Variants in GRIK2 observed in about 807,000 individuals in gnomAD.
GRIK2 encodes glutamate receptor ionotropic, kainate 2.
Under a neutral mutation model 100.3 loss-of-function variants are expected in GRIK2, and 32 were observed. The observed-to-expected ratio is 0.32, with a 90% confidence interval of 0.24 to 0.43. GRIK2 has a LOEUF of 0.43. Ranked by LOEUF, GRIK2 falls within the 20% of genes least tolerant of loss-of-function variation. GRIK2 has a pLI of 1.00. For missense variants in GRIK2, 843 were observed against 1,114.9 expected (o/e 0.76, Z 3.47); for synonymous variants, 417 against 389.4 (o/e 1.07, Z -0.83).
At chr6:102,001,371 G>A (rs1477059516) in intron 14 of GRIK2, among the ~76,000 whole-genome samples, 1 of 143,870 alleles carries the variant, frequency 7.0e-6, no homozygotes, top group African/African-American at 2.6e-5. Flanking sequence ...CCCACCCCCC[G>A]ACAGGCCCCA....
chr6:101,464,275 C>T lies in GRIK2; in HGVS notation c.115+64883C>T, dbSNP rs1771495384. 3.9e-5 allele frequency among the ~76,000 whole-genome samples: 6 copies of T among 152,184 alleles called. No homozygotes were observed. In the South Asian group the frequency reaches 1.2e-3, roughly 32 times the overall value. On this transcript the variant is annotated intron_variant, in intron 2 of 16. Transcript: ENST00000369134. ...CTCAGCCTAAGGAGAGGGTCCATGG[C>T]TTTGGCAATGATAGCATTCAGTTAG...
chr6:101,802,654 G>C (rs975557922), intron 9 of GRIK2, among the ~76,000 whole-genome samples: 4 of 151,698 alleles, frequency 2.6e-5, no homozygotes, highest in African/African-American at 9.7e-5. Flanking sequence ...TTTCTAACTA[G>C]AGATTTTTCT....
intron 11 of GRIK2, among the ~76,000 whole-genome samples, chr6:101,888,915 G>A (rs1786849661): frequency 6.6e-6 from 1 of 152,054 alleles, no homozygotes; most frequent in African/African-American, 2.4e-5. Context: ...TTTGACAGAT[G>A]ATTATAACCT....
At chr6:101,971,043 G>T in intron 14 of GRIK2, among the ~76,000 whole-genome samples, 1 of 150,796 alleles carries the variant, frequency 6.6e-6, no homozygotes, top group East Asian at 1.9e-4. Context: ...TGCATTCCTT[G>T]CTGTGTATTT....
intron 7 of GRIK2, among the ~76,000 whole-genome samples, chr6:101,712,239 C>CTG (rs1773769018): frequency 6.6e-6 from 1 of 151,846 alleles, no homozygotes. Context: ...CCTTGCTACC[C>CTG]TGTGTGTGGT....
At chr6:101,468,153 A>G (rs1264689600) in intron 2 of GRIK2, among the ~76,000 whole-genome samples, 3 of 151,986 alleles carry the variant, frequency 2.0e-5, no homozygotes, top group African/African-American at 7.3e-5. Context: ...AGTGGGAAGG[A>G]CCCACAGAGC....
At position 101,925,331 on chromosome 6, in the gene GRIK2, A is replaced by C. The variant is rs550881083; in HGVS notation, c.1867+612A>C. ...ACTTTATAATATACATGTTAAAATT[A>C]AGGCTATATCTTAGAAAATGAGATA... On this transcript the variant is annotated intron_variant, in intron 13 of 16. Transcript: ENST00000369134. 2.5e-4 allele frequency among the ~76,000 whole-genome samples: 38 copies of C among 152,212 alleles called. 1 individual carries two copies. Among genetic ancestry groups the C allele is most frequent in the Non-Finnish European group, 1.3e-4 (9 of 67,974 alleles).
At chr6:101,503,422 G>A (rs1175462720) in intron 2 of GRIK2, among the ~76,000 whole-genome samples, 1 of 152,026 alleles carries the variant, frequency 6.6e-6, no homozygotes, top group Non-Finnish European at 1.5e-5. Flanking sequence ...GATTTTTAAA[G>A]ACAATTTTAA....
At chr6:101,907,501 G>A (rs908111748) in intron 12 of GRIK2, among the ~76,000 whole-genome samples, 1 of 151,624 alleles carries the variant, frequency 6.6e-6, no homozygotes, top group Non-Finnish European at 1.5e-5. Flanking sequence ...TCATAGAACT[G>A]GAGCCAGATT....
intron 2 of GRIK2, among the ~76,000 whole-genome samples, chr6:101,602,559 T>A (rs547881025): frequency 2.6e-5 from 4 of 151,516 alleles, no homozygotes; most frequent in Admixed American, 6.6e-5. Context: ...ATGATTAGTT[T>A]TTTTTTAAAG....
chr6:101,563,102 C>T (rs578165719), intron 2 of GRIK2, among the ~76,000 whole-genome samples: 1 of 152,246 alleles, frequency 6.6e-6, no homozygotes, highest in East Asian at 1.9e-4. Flanking sequence ...ATTTTGCCTG[C>T]TCCTGATGAA....
At chr6:101,615,101 G>C (rs1309877524) in intron 2 of GRIK2, among the ~76,000 whole-genome samples, 1 of 151,712 alleles carries the variant, frequency 6.6e-6, no homozygotes, top group Non-Finnish European at 1.5e-5. Flanking sequence ...AAACAAAGGA[G>C]GGCAATTGTG....
chr6:101,664,018 G>A (rs778733005), intron 4 of GRIK2, among the ~76,000 whole-genome samples: 25 of 152,174 alleles, frequency 1.6e-4, no homozygotes, highest in Admixed American at 1.4e-3. Context: ...GGGAAAAAGG[G>A]AAGGAGTAAT....
chr6:101,454,907 T>A (rs901605049), intron 2 of GRIK2, among the ~76,000 whole-genome samples: 3 of 152,172 alleles, frequency 2.0e-5, no homozygotes, highest in African/African-American at 7.2e-5. Flanking sequence ...AAAATTCACA[T>A]ACCCAAGTAT....
At chr6:101,552,474 C>T (rs1330200815) in intron 2 of GRIK2, among the ~76,000 whole-genome samples, 1 of 152,110 alleles carries the variant, frequency 6.6e-6, no homozygotes, top group Non-Finnish European at 1.5e-5. Context: ...CAGGGAGCCC[C>T]TCCTAACCCT....
chr6:101,591,546 A>G (rs1252118218), intron 2 of GRIK2, among the ~76,000 whole-genome samples: 2 of 151,958 alleles, frequency 1.3e-5, no homozygotes, highest in African/African-American at 2.4e-5. Flanking sequence ...TTCTCTCAAG[A>G]CTATTTTTTT....
intron 14 of GRIK2, among the ~76,000 whole-genome samples, chr6:101,932,366 C>T (rs1404395209): frequency 6.6e-6 from 1 of 151,966 alleles, no homozygotes; most frequent in East Asian, 1.9e-4. Flanking sequence ...TATTCCTAGT[C>T]CTGTGTTGCA....
At chr6:101,796,186 G>T (rs1278309788) in intron 7 of GRIK2, among the ~76,000 whole-genome samples, 3 of 152,126 alleles carry the variant, frequency 2.0e-5, no homozygotes, top group Admixed American at 6.6e-5. Flanking sequence ...CTTAGCTGCT[G>T]TCTGCCTTGG....
chr6:101,933,902 T>C (rs1316592416), intron 14 of GRIK2, among the ~76,000 whole-genome samples: 2 of 151,982 alleles, frequency 1.3e-5, no homozygotes, highest in African/African-American at 4.8e-5. Context: ...AAGTGGGTTA[T>C]TCCATCCTAG....
Sources: gnomAD v4.1 joint callset for allele counts (sites outside exome capture counted in the v4.1 genomes callset) on GRCh38, gnomAD v4.1.1 for gene constraint, MANE v1.5 for transcripts, NCBI Gene and HGNC (gene_info 2026-07-23, HGNC 2026-07-21) for gene names.